Variants in GRIP1 observed in about 807,000 individuals in gnomAD.
GRIP1 encodes glutamate receptor-interacting protein 1.
Under a neutral mutation model 129.9 loss-of-function variants are expected in GRIP1, and 45 were observed. The observed-to-expected ratio is 0.35, with a 90% CI of 0.27 to 0.44. The LOEUF (loss-of-function observed/expected upper bound fraction) is 0.44, where lower values mean the gene tolerates loss of function less well. GRIP1 is among the 20% of genes least tolerant of loss of function. The pLI is 1.00. For synonymous variants in GRIP1, 530 were observed against 520.8 expected, an observed-to-expected ratio of 1.02 and a Z score of -0.24; for missense variants, 1,196 against 1,396.8, an observed-to-expected ratio of 0.86 and a Z score of 2.29.
intron 1 of GRIP1, among the ~76,000 whole-genome samples, chr12:66,669,612 T>C (rs886958028): frequency 6.6e-6 from 1 of 152,208 alleles, no homozygotes; most frequent in African/African-American, 2.4e-5. Flanking sequence ...TACAGGTTTA[T>C]GAATACACAG....
rs375022546 is a variant in GRIP1, at chr12:66,642,324, C to T, written c.55+36526G>A. Among the ~76,000 whole-genome samples the T allele has an allele frequency of 5.3e-4, 81 of 152,134 alleles. 1 individual carries two copies. In the South Asian group the frequency reaches 0.017, roughly 31 times the overall value. ...AGCTAGAACTCCAGCATGTGAAAGGCAGGGAGGCACCATGTGCCTGGTGCA... is the reference window on the plus strand; with the variant it reads ...AGCTAGAACTCCAGCATGTGAAAGGTAGGGAGGCACCATGTGCCTGGTGCA... On this transcript the variant is annotated intron_variant, in intron 1 of 24. Coordinates refer to ENST00000359742, the MANE Select transcript of GRIP1 (RefSeq NM_001366722.1).
chr12:66,965,549 T>TTTG (rs1246467639), intron 1 of GRIP1, among the ~76,000 whole-genome samples: 1 of 128,252 alleles, frequency 7.8e-6, no homozygotes, highest in African/African-American at 3.1e-5. Context: ...AAAAGAAACA[T>TTTG]TGTGTGTGTG....
At chr12:66,462,801 CAAAAAAA>C in intron 9 of GRIP1, 116 bp downstream of exon 9, 38 of 361,144 alleles carry the variant, frequency 1.1e-4, no homozygotes, top group East Asian at 2.3e-4. Flanking sequence ...GACTCCATCT[CAAAAAAA>C]AAAAAAAAAA....
At chr12:66,703,076 G>T (rs1045258173) in intron 1 of GRIP1, among the ~76,000 whole-genome samples, 9 of 152,152 alleles carry the variant, frequency 5.9e-5, no homozygotes. Flanking sequence ...ATTGCTTGAA[G>T]CACAGAGAGG....
rs372649187 is a variant in GRIP1, at chr12:66,934,135, G to A, written c.58+134915C>T. Among the ~76,000 whole-genome samples, 8 of 152,202 alleles carry A rather than the reference G, an allele frequency of 5.3e-5. No individual in the cohort carries two copies. The East Asian group carries it at 1.5e-3, about 29-fold the overall frequency. On this transcript the variant is annotated intron_variant, in intron 1 of 1. Transcript: ENST00000643019. ...GGTCTACTAACATGGCACATGATGT[G>A]ATCACTTCTTCTTTTTTTCAGGTCA...
chr12:66,732,269 G>A (rs1290018134), intron 1 of GRIP1, among the ~76,000 whole-genome samples: 1 of 152,110 alleles, frequency 6.6e-6, no homozygotes, highest in African/African-American at 2.4e-5. Flanking sequence ...GACCTTTCTA[G>A]GCTAGGTATG....
At chr12:66,357,722 T>TA (rs1192395684) in intron 23 of GRIP1, among the ~76,000 whole-genome samples, 2 of 152,220 alleles carry the variant, frequency 1.3e-5, no homozygotes, top group African/African-American at 4.8e-5. Flanking sequence ...TACTCTGAAA[T>TA]ACAGCTTTTA....
intron 2 of GRIP1, among the ~76,000 whole-genome samples, chr12:66,583,192 C>CCATAA (rs1430285940): frequency 2.0e-5 from 3 of 150,988 alleles, no homozygotes; most frequent in Non-Finnish European, 4.5e-5. Flanking sequence ...GCTGGGAAAA[C>CCATAA]TGGCTAGCCA....
intron 2 of GRIP1, among the ~76,000 whole-genome samples, chr12:66,590,087 C>G (rs2063799394): frequency 6.6e-6 from 1 of 152,050 alleles, no homozygotes; most frequent in South Asian, 2.1e-4. Flanking sequence ...TAAAATTTTT[C>G]TGACACTGGA....
intron 1 of GRIP1, among the ~76,000 whole-genome samples, chr12:66,979,252 A>AAAAAAAAAAAAC (rs772753895): frequency 8.3e-4 from 91 of 110,208 alleles, no homozygotes; most frequent in Non-Finnish European, 1.1e-3. Flanking sequence ...AAAAAAAAAA[A>AAAAAAAAAAAAC]AACAAGCCCG....
intron 1 of GRIP1, among the ~76,000 whole-genome samples, chr12:66,849,520 C>G (rs2039874741): frequency 6.6e-6 from 1 of 152,052 alleles, no homozygotes; most frequent in Non-Finnish European, 1.5e-5. Flanking sequence ...GAAACTGAGG[C>G]AGAAGCATTA....
At chr12:66,490,848 C>T (rs2060086294) in intron 7 of GRIP1, among the ~76,000 whole-genome samples, 1 of 152,100 alleles carries the variant, frequency 6.6e-6, no homozygotes, top group South Asian at 2.1e-4. Flanking sequence ...ACACAACAAA[C>T]ATATGAAAAA....
chr12:67,030,857 G>A (rs2043011878), intron 1 of GRIP1, among the ~76,000 whole-genome samples: 1 of 151,988 alleles, frequency 6.6e-6, no homozygotes, highest in African/African-American at 2.4e-5. Context: ...GAAGAAATAT[G>A]GACAGCAACA....
chr12:66,378,010 G>A (rs2055895945), intron 20 of GRIP1, among the ~76,000 whole-genome samples: 1 of 151,800 alleles, frequency 6.6e-6, no homozygotes, highest in African/African-American at 2.4e-5. Context: ...TAAACCAAAT[G>A]CTATCAGTTT....
At chr12:66,841,005 A>T (rs2039705458) in intron 1 of GRIP1, among the ~76,000 whole-genome samples, 1 of 152,256 alleles carries the variant, frequency 6.6e-6, no homozygotes, top group Admixed American at 6.5e-5. Flanking sequence ...ATAATTTTTT[A>T]GTATAAGGTT....
At chr12:66,478,013 C>A (rs906138788) in intron 7 of GRIP1, among the ~76,000 whole-genome samples, 9 of 152,232 alleles carry the variant, frequency 5.9e-5, no homozygotes, top group African/African-American at 1.9e-4. Context: ...GCAACAAAAG[C>A]CAAAATTGAC....
rs1179449062 is a variant in GRIP1, at chr12:66,456,232, C to A, written c.1153G>T (p.Val385Leu). ...YNTYHPDHCR[V>L]PALTFPKAPP... ...GCTTTCGGGAATGTCAGGGCTGGTA[C>A]TCTGCAATGGTCAGGGTGGTACGTG... Residue 385 changes from valine to leucine, a missense_variant, in exon 10 of 25, where the codon GTA (valine) becomes TTA (leucine). This residue lies in a region of GRIP1 where 508 missense variants were observed against 587.0 expected (regional missense o/e 0.87). Transcript: ENST00000359742. 9.3e-6 allele frequency: 12 copies of A among 1,289,422 alleles called. No individual in the cohort carries two copies. Among genetic ancestry groups the A allele is most frequent in the Non-Finnish European group, 1.2e-5 (12 of 988,398 alleles). The allele number at this position is 1,289,422 out of a possible 1,614,324, so 79.9% of individuals were successfully genotyped here. A position where few individuals can be genotyped will look rare whatever the true frequency, so the allele number is the denominator to read the frequency against.
chr12:66,583,070 T>C (rs913380222), intron 2 of GRIP1, among the ~76,000 whole-genome samples: 14 of 151,556 alleles, frequency 9.2e-5, no homozygotes, highest in African/African-American at 3.1e-4. Flanking sequence ...TATAGATCAA[T>C]GGAACAGAAC....
intron 1 of GRIP1, among the ~76,000 whole-genome samples, chr12:66,802,768 G>T (rs1428521861): frequency 6.6e-6 from 1 of 152,062 alleles, no homozygotes; most frequent in Non-Finnish European, 1.5e-5. Context: ...AATTACACAT[G>T]CAATCTGACA....
Sources: gnomAD v4.1 joint callset for allele counts (sites outside exome capture counted in the v4.1 genomes callset) on GRCh38, gnomAD v4.1.1 for gene constraint, gnomAD v4.1.1 regional missense constraint, MANE v1.5 for transcripts, NCBI Gene and HGNC (gene_info 2026-07-23, HGNC 2026-07-21) for gene names.